ACTA2: variants seen among roughly 807,000 people sequenced by gnomAD.
ACTA2 encodes actin alpha 2, smooth muscle, also known as actin, aortic smooth muscle.
Under a neutral mutation model 39.5 loss-of-function variants are expected in ACTA2, and 12 were observed. The observed-to-expected ratio is 0.30, with a 90% CI of 0.19 to 0.49. The LOEUF (loss-of-function observed/expected upper bound fraction) is 0.49. ACTA2 is among the 20% of genes least tolerant of loss of function. The probability of loss-of-function intolerance (pLI) is 0.99; values close to 1 mark genes in which losing one functional copy is unlikely to be tolerated. For missense variants in ACTA2, 236 were observed against 498.8 expected (o/e 0.47, Z 5.02); for synonymous variants, 158 against 180.6 (o/e 0.88, Z 1.00).
chr10:88,942,652 G>A (rs1845876733), intron 4 of ACTA2, among the ~76,000 whole-genome samples: 1 of 152,090 alleles, frequency 6.6e-6, no homozygotes, highest in African/African-American at 2.4e-5. Flanking sequence ...GGAGATGTCC[G>A]TGGGTCTTCA....
chr10:88,977,413 A>G (rs1033871005), intron 1 of ACTA2, among the ~76,000 whole-genome samples: 1 of 151,744 alleles, frequency 6.6e-6, no homozygotes, highest in African/African-American at 2.4e-5. Flanking sequence ...CCATTTATTA[A>G]ATAGGGAATC....
chr10:88,961,308 A>G (rs1292264210), intron 1 of ACTA2, among the ~76,000 whole-genome samples: 2 of 152,218 alleles, frequency 1.3e-5, no homozygotes, highest in Non-Finnish European at 1.5e-5. Flanking sequence ...TGAATTAAGT[A>G]AGTGGATGCA....
chr10:88,936,432 C>A (rs1358629323), intron 8 of ACTA2, among the ~76,000 whole-genome samples: 2 of 152,114 alleles, frequency 1.3e-5, no homozygotes, highest in Admixed American at 6.5e-5. Context: ...GGAGGTGGGG[C>A]CTGGTAGGAG....
intron 3 of ACTA2, among the ~76,000 whole-genome samples, chr10:88,945,897 A>G (rs1845938296): frequency 6.6e-6 from 1 of 152,166 alleles, no homozygotes; most frequent in Non-Finnish European, 1.5e-5. Context: ...ACTGAGAGGG[A>G]TAACCATGCA....
chr10:88,959,142 T>C (rs1382923191), intron 1 of ACTA2, among the ~76,000 whole-genome samples: 1 of 152,236 alleles, frequency 6.6e-6, no homozygotes, highest in African/African-American at 2.4e-5. Flanking sequence ...ATCATTGAAA[T>C]GTCTATAGGC....
chr10:88,976,810 G>C (rs1846574975), intron 1 of ACTA2, among the ~76,000 whole-genome samples: 2 of 152,196 alleles, frequency 1.3e-5, no homozygotes, highest in Admixed American at 1.3e-4. Flanking sequence ...TCCAGGTGCT[G>C]GGTAGAGTTG....
rs139999531 is a variant in ACTA2, at chr10:88,947,243, G to T, written c.258+15C>A. The T allele has an allele frequency of 2.4e-5, 39 of 1,613,790 alleles. No homozygotes were observed. The highest frequency in any genetic ancestry group is 3.1e-5 in the Non-Finnish European group (37 of 1,179,784). ...ATGCATCCTGAGGGCCCAAGCTGCA[G>T]CAAACCTCCCATACCTTTTCCATGT... On this transcript the variant is annotated intron_variant, in intron 3 of 8. Transcript: ENST00000224784.
rs1845901298 is a variant in ACTA2, at chr10:88,943,905, G to A, written c.261C>T (p.Ile87=). ...IITNWDDMEK[I]WHHSFYNELR... ...GCTCATTGTAGAAAGAGTGGTGCCA[G>A]ATCTAGTGAGTTGGGGGACAGAGGA... Residue 87 remains isoleucine (I), a splice_region_variant and synonymous_variant, in exon 4 of 9, where the codon ATC becomes ATT. Coordinates refer to ENST00000224784, the MANE Select transcript of ACTA2 (RefSeq NM_001613.4). 1 of 1,613,454 alleles carries A rather than the reference G, an allele frequency of 6.2e-7. No individual in the cohort carries two copies. The highest frequency in any genetic ancestry group is 8.5e-7 in the Non-Finnish European group (1 of 1,179,558).
chr10:88,970,005 A>C (rs920911704), intron 1 of ACTA2, among the ~76,000 whole-genome samples: 1 of 152,246 alleles, frequency 6.6e-6, no homozygotes, highest in Non-Finnish European at 1.5e-5. Flanking sequence ...AAAATTGCTC[A>C]TGGCAGACGT....
chr10:88,958,415 A>C (rs778794547), intron 1 of ACTA2, among the ~76,000 whole-genome samples: 4 of 152,192 alleles, frequency 2.6e-5, no homozygotes, highest in Non-Finnish European at 5.9e-5. Context: ...AAGGAATACT[A>C]TTTTTCCCAT....
At chr10:88,946,359 A>C (rs993378388) in intron 3 of ACTA2, among the ~76,000 whole-genome samples, 1 of 143,108 alleles carries the variant, frequency 7.0e-6, no homozygotes, top group South Asian at 2.2e-4. Flanking sequence ...CAAGTGATCC[A>C]GTGCTGAGAT....
In ACTA2 at chr10:88,937,266, AGAG is replaced by A. The variant is rs533799797; in HGVS notation, c.990+792_990+794del. 2.6e-5 allele frequency among the ~76,000 whole-genome samples: 4 copies of A among 152,334 alleles called. No individual in the cohort carries two copies. The East Asian group carries it at 7.7e-4, about 29-fold the overall frequency. ...CTTCTAAAAACAGAAGGGAGTGCAAAGAGGAGATAATTTGTTTAAATACCCACG... is the reference window on the plus strand; with the variant it reads ...CTTCTAAAAACAGAAGGGAGTGCAAAGAGATAATTTGTTTAAATACCCACG... On this transcript the variant is annotated intron_variant, in intron 8 of 8. Coordinates refer to ENST00000224784, the MANE Select transcript of ACTA2 (RefSeq NM_001613.4).
At chr10:88,970,815 A>G (rs773986806) in intron 1 of ACTA2, among the ~76,000 whole-genome samples, 1 of 152,194 alleles carries the variant, frequency 6.6e-6, no homozygotes, top group Non-Finnish European at 1.5e-5. Context: ...ACGTGTATAC[A>G]TATGTAACAA....
chr10:88,946,732 C>CT (rs895718379), intron 3 of ACTA2: 52 of 147,476 alleles, frequency 3.5e-4, no homozygotes, highest in Admixed American at 1.4e-3. Context: ...ATTTTTTTTT[C>CT]TTTTTTTTTT....
upstream of ACTA2, among the ~76,000 whole-genome samples, chr10:88,954,751 T>G (rs1438412598): frequency 6.6e-6 from 1 of 152,190 alleles, no homozygotes; most frequent in East Asian, 1.9e-4. Flanking sequence ...TGCAAGATTT[T>G]TTTTCAAATA....
chr10:88,977,497 C>A (rs577691365), intron 1 of ACTA2, among the ~76,000 whole-genome samples: 1 of 152,090 alleles, frequency 6.6e-6, no homozygotes, highest in Non-Finnish European at 1.5e-5. Flanking sequence ...TCAACCTACT[C>A]ATCTGACAAA....
Position 88,979,807 on chromosome 10 carries a change from C to T in ACTA2, c.-24+11132G>A, listed in dbSNP as rs1846664960. Among the ~76,000 whole-genome samples, 3 of 152,156 alleles carry T rather than the reference C, an allele frequency of 2.0e-5. 1 individual carries two copies. The South Asian group carries it at 6.2e-4, about 31-fold the overall frequency. On this transcript the variant is annotated intron_variant, in intron 1 of 4. Coordinates refer to the ACTA2 transcript ENST00000415557. ...CTCTCTAATCAAATGCCAGGAGGAT[C>T]CAGAGAGCAACAGCAAAGGTCATTT...
chr10:88,978,656 C>T (rs1253558281), intron 1 of ACTA2, among the ~76,000 whole-genome samples: 1 of 152,078 alleles, frequency 6.6e-6, no homozygotes, highest in Non-Finnish European at 1.5e-5. Context: ...ATGAGCCAGG[C>T]TCAGTTCATT....
chr10:88,991,040 T>C, exon 1 of ACTA2: 1 of 1,242,042 alleles, frequency 8.1e-7, no homozygotes, highest in Non-Finnish European at 1.2e-6. Context: ...GGCGGGCTGC[T>C]GCGGGAGGCG....
Sources: gnomAD v4.1 joint callset for allele counts (sites outside exome capture counted in the v4.1 genomes callset) on GRCh38, gnomAD v4.1.1 for gene constraint, MANE v1.5 for transcripts, NCBI Gene and HGNC (gene_info 2026-07-23, HGNC 2026-07-21) for gene names.